TRPV4: variants seen among roughly 807,000 people sequenced by gnomAD.
The protein encoded by TRPV4 is transient receptor potential cation channel subfamily V member 4.
TRPV4 carries 58 observed loss-of-function variants against 84.1 expected under a neutral mutation model. The ratio of observed to expected loss-of-function variants is 0.69; its 90% CI spans 0.56 to 0.86. The LOEUF is 0.86. Among genes scored for constraint, TRPV4 ranks in the 40% least tolerant of loss-of-function variants. TRPV4 has a pLI of 0.00. For missense variants in TRPV4, 879 were observed against 1,181.1 expected (o/e 0.74, Z 3.75); for synonymous variants, 489 against 500.9 (o/e 0.98, Z 0.32).
intron 3 of TRPV4, among the ~76,000 whole-genome samples, chr12:109,806,886 A>C (rs1013590369): frequency 3.0e-4 from 45 of 150,214 alleles, no homozygotes; most frequent in Non-Finnish European, 1.3e-4. Flanking sequence ...AAAAAAAAAA[A>C]AAACAGGTTG....
intron 2 of TRPV4, among the ~76,000 whole-genome samples, chr12:109,810,259 T>G (rs1891438053): frequency 1.3e-5 from 2 of 152,206 alleles, no homozygotes; most frequent in African/African-American, 4.8e-5. Flanking sequence ...CTGGCACATC[T>G]TGGGATGCAG....
chr12:109,788,532 G>T lies in TRPV4; in HGVS notation c.2076C>A (p.Pro692=). ...TCACCAGCAGGATGATGAAGACCAC[G>T]GGGTACTTGGTGCTGCTCAGCATCT... ...DLEMLSSTKY[P]VVFIILLVTY... The change falls in exon 13 of 16, where the codon CCC becomes CCA. Residue 692 remains proline, a synonymous_variant. Transcript: ENST00000261740. 1.2e-6 allele frequency: 2 copies of T among 1,614,250 alleles called. No individual in the cohort carries two copies. Among genetic ancestry groups the T allele is most frequent in the Non-Finnish European group, 1.7e-6 (2 of 1,180,048 alleles).
chr12:109,825,977 T>G (rs1892241988), intron 1 of TRPV4, among the ~76,000 whole-genome samples: 1 of 152,152 alleles, frequency 6.6e-6, no homozygotes, highest in African/African-American at 2.4e-5. Flanking sequence ...CAATGTACCA[T>G]CAGTAATGCC....
intron 1 of TRPV4, among the ~76,000 whole-genome samples, chr12:109,827,653 A>AACATACACAC (rs1187596921): frequency 2.0e-5 from 3 of 151,624 alleles, no homozygotes; most frequent in Non-Finnish European, 2.9e-5. Context: ...TATACACGCA[A>AACATACACAC]ACATACACAC....
chr12:109,803,957 G>A (rs1481801868), intron 3 of TRPV4, among the ~76,000 whole-genome samples: 3 of 152,150 alleles, frequency 2.0e-5, no homozygotes, highest in Non-Finnish European at 2.9e-5. Context: ...TTCCCATGAA[G>A]CATTTACACT....
chr12:109,802,512 G>A (rs886472347), intron 4 of TRPV4, among the ~76,000 whole-genome samples: 2 of 151,596 alleles, frequency 1.3e-5, no homozygotes, highest in Non-Finnish European at 2.9e-5. Flanking sequence ...ATGTTGGCCA[G>A]GCTGGTCTTG....
chr12:109,793,673 A>G lies in TRPV4; in HGVS notation c.1585-73T>C. The G allele has an allele frequency of 7.8e-7, 1 of 1,279,976 alleles. No individual in the cohort carries two copies. The highest frequency in any genetic ancestry group is 1.2e-5 in the South Asian group (1 of 83,706). The allele number at this position is 1,279,976 out of a possible 1,614,324, so 79.3% of individuals were successfully genotyped here. A position where few individuals can be genotyped will look rare whatever the true frequency, so the allele number is the denominator to read the frequency against. On this transcript the variant is annotated intron_variant, in intron 9 of 15. Transcript: ENST00000261740. This position sits in a 1 kb window ranked among gnomAD's most constrained non-coding sequence, Gnocchi z 4.0. ...GGAGAGGAGGAGAGAGGAGACAGAG[A>G]AAGGGATAGAAGAGAGGGAGGCAGA...
chr12:109,792,651 C>T lies in TRPV4; in HGVS notation c.1824+1G>A, dbSNP rs758491211. 9 of 1,614,144 alleles carry T rather than the reference C, an allele frequency of 5.6e-6. No individual in the cohort carries two copies. The highest frequency in any genetic ancestry group is 6.8e-6 in the Non-Finnish European group (8 of 1,180,034). On this transcript the variant is annotated splice_donor_variant, in intron 11 of 15. Coordinates refer to ENST00000261740, the MANE Select transcript of TRPV4 (RefSeq NM_021625.5). LOFTEE classifies it high-confidence loss of function. Reference sequence around the variant, plus strand: ...GTCCAGAGGGTCCTCCCAGCCCGTACCTTCTGGATCATGATGCTATAGGTC... The same window carrying T: ...GTCCAGAGGGTCCTCCCAGCCCGTATCTTCTGGATCATGATGCTATAGGTC...
chr12:109,788,904 A>G (rs1592821141), intron 12 of TRPV4, among the ~76,000 whole-genome samples, 188 bp from the exon 13 acceptor site: 1 of 152,130 alleles, frequency 6.6e-6, no homozygotes, highest in South Asian at 2.1e-4. Context: ...TGATCCCAAA[A>G]CCTTTGAAGC....
Position 109,793,043 on chromosome 12 carries a change from G to T in TRPV4, c.1659-226C>A, listed in dbSNP as rs182275513. On this transcript the variant is annotated intron_variant, in intron 10 of 15. Transcript: ENST00000261740. This position sits in a 1 kb window ranked among gnomAD's most constrained non-coding sequence, Gnocchi z 4.0. Reference sequence around the variant, plus strand: ...CTGAGGTCCCACAGGATCCTGAAGTGATGCCCCTTGGAATTGCTAAAGAAA... The same window carrying T: ...CTGAGGTCCCACAGGATCCTGAAGTTATGCCCCTTGGAATTGCTAAAGAAA... Among the ~76,000 whole-genome samples the T allele has an allele frequency of 5.9e-5, 9 of 152,336 alleles. No individual in the cohort carries two copies. The East Asian group carries it at 1.7e-3, about 29-fold the overall frequency.
Position 109,789,529 on chromosome 12 carries a change from C to A in TRPV4, c.1892-813G>T, listed in dbSNP as rs182414622. Among the ~76,000 whole-genome samples the A allele has an allele frequency of 3.3e-5, 5 of 152,284 alleles. No homozygotes were observed. In the East Asian group the frequency reaches 9.6e-4, roughly 29 times the overall value. ...CCCAAAGCCGTGTTCTCTAAGGGGC[C>A]TCTCCTGCTCTAGACATCTCAAACT... On this transcript the variant is annotated intron_variant, in intron 12 of 15. Coordinates refer to ENST00000261740, the MANE Select transcript of TRPV4 (RefSeq NM_021625.5).
intron 3 of TRPV4, among the ~76,000 whole-genome samples, chr12:109,806,104 C>A (rs1778990213): frequency 6.6e-6 from 1 of 152,260 alleles, no homozygotes; most frequent in African/African-American, 2.4e-5. Flanking sequence ...GAAGCCCCGT[C>A]CTCCCACAGC....
chr12:109,783,836 A>C lies in TRPV4; in HGVS notation c.2459-58T>G. ...GGGTTGGTGGAGAGAGAGCGTGCGT[A>C]TATTGAGTGCCTACTGTGTACTGGG... is the stretch of plus-strand genomic sequence containing the variant. On this transcript the variant is annotated intron_variant, in intron 15 of 15. Transcript: ENST00000261740. This position sits in a 1 kb window ranked among gnomAD's most constrained non-coding sequence, Gnocchi z 4.6. 1 of 1,590,798 alleles carries C rather than the reference A, an allele frequency of 6.3e-7. No homozygotes were observed. The highest frequency in any genetic ancestry group is 8.5e-7 in the Non-Finnish European group (1 of 1,170,664).
rs1391277374 is a variant in TRPV4 at position 109,794,332 on chromosome 12, G to T, written c.1488C>A (p.Gly496=). The stretch of plus-strand genomic sequence containing the variant: ...TGCCCGGTCCCCGGGCACTCACTGT[G>T]CCCTCCAGCGGCTGGTAGTAGGCGG... ...TLTAYYQPLE[G]TPPYPYRTTV... Residue 496 remains glycine (G), a synonymous_variant, in exon 8 of 16, where the codon GGC becomes GGA. Transcript: ENST00000261740. 1.2e-6 allele frequency: 2 copies of T among 1,611,938 alleles called. No homozygotes were observed. The highest frequency in any genetic ancestry group is 1.7e-6 in the Non-Finnish European group (2 of 1,180,014).
chr12:109,800,636 C>A lies in TRPV4; in HGVS notation c.835G>T (p.Gly279Trp). The change falls in exon 5 of 16, where the codon GGG becomes TGG. Residue 279 changes from glycine to tryptophan, a missense_variant. Transcript: ENST00000261740. ...RGRFFQPKDE[G>W]GYFYFGELPL... ...TCCTTACCAAAGTAGAAGTAGCCCC[C>A]CTCATCCTTGGGCTGGAAGAAGCGC... The A allele has an allele frequency of 6.2e-7, 1 of 1,614,228 alleles. No individual in the cohort carries two copies. The highest frequency in any genetic ancestry group is 8.5e-7 in the Non-Finnish European group (1 of 1,180,046).
chr12:109,829,086 C>T (rs531715322), intron 1 of TRPV4, among the ~76,000 whole-genome samples: 1 of 152,162 alleles, frequency 6.6e-6, no homozygotes, highest in Admixed American at 6.5e-5. Context: ...GTAGGAGGAT[C>T]TCTTGAGCCC....
chr12:109,826,298 A>G (rs553175739), intron 1 of TRPV4, among the ~76,000 whole-genome samples: 3 of 152,364 alleles, frequency 2.0e-5, no homozygotes, highest in Non-Finnish European at 4.4e-5. Context: ...TGTTGTGATT[A>G]CAGGCGTGAA....
chr12:109,814,358 G>A lies in TRPV4; in HGVS notation c.386+53C>T. 6.3e-7 allele frequency: 1 copy of A among 1,591,332 alleles called. No homozygotes were observed. The highest frequency in any genetic ancestry group is 8.6e-7 in the Non-Finnish European group (1 of 1,166,364). Reference sequence around the variant, plus strand: ...TAGATAGAGGGGTGGATGATGAATGGGTGAATGGATACAGAGGAGGAGACC... The same window carrying A: ...TAGATAGAGGGGTGGATGATGAATGAGTGAATGGATACAGAGGAGGAGACC... On this transcript the variant is annotated intron_variant, in intron 2 of 15. Transcript: ENST00000261740. This position sits in a 1 kb window ranked among gnomAD's most constrained non-coding sequence, Gnocchi z 5.4.
intron 2 of TRPV4, among the ~76,000 whole-genome samples, chr12:109,809,494 T>C (rs923516733): frequency 7.3e-6 from 1 of 137,124 alleles, no homozygotes; most frequent in Admixed American, 7.3e-5. Flanking sequence ...CATCTACCCA[T>C]CCACTCACTC....
Sources: allele counts gnomAD v4.1 joint callset (sites outside exome capture counted in the v4.1 genomes callset), GRCh38; gene constraint gnomAD v4.1.1; non-coding constraint Gnocchi (gnomAD v3.1); transcripts MANE v1.5; gene names NCBI Gene and HGNC (gene_info 2026-07-23, HGNC 2026-07-21).